Variants in ZNF208 observed in about 807,000 individuals in gnomAD.
ZNF208 encodes zinc finger protein 208, also known as zinc finger protein 95.
A neutral mutation model predicts 12.1 loss-of-function variants in ZNF208; 10 were observed. The ratio of observed to expected loss-of-function variants is 0.83; its 90% confidence interval spans 0.51 to 1.40. The LOEUF (loss-of-function observed/expected upper bound fraction) is 1.40, where lower values mean the gene tolerates loss of function less well. ZNF208 is among the 40% of genes most tolerant of loss of function. The pLI, the probability that ZNF208 is intolerant of heterozygous loss-of-function variation, is 0.00. For synonymous variants in ZNF208, 497 were observed against 488.4 expected, an observed-to-expected ratio of 1.02 and a Z score of -0.23; for missense variants, 1,652 against 1,485.0, an observed-to-expected ratio of 1.11 and a Z score of -1.85.
Position 21,970,727 on chromosome 19 carries a change from G to C in ZNF208, c.*464C>G. On this transcript the variant is annotated 3_prime_UTR_variant, in exon 4 of 4. Coordinates refer to ENST00000397126, the MANE Select transcript of ZNF208 (RefSeq NM_007153.3). ...CCAGCATGAATTTTCTTATGTGTAG[G>C]AGGGTTGGGAACTGTTTAAAAGCTT... The C allele has an allele frequency of 8.3e-7, 1 of 1,199,880 alleles. No individual in the cohort carries two copies. Among genetic ancestry groups the C allele is most frequent in the Middle Eastern group, 2.0e-4 (1 of 5,002 alleles). 74.3% of individuals were successfully genotyped at this position (1,199,880 alleles called of 1,614,324 possible). A position where few individuals can be genotyped will look rare whatever the true frequency, so the allele number is the denominator to read the frequency against.
chr19:21,961,598 A>C (rs1413467994), downstream of ZNF208, among the ~76,000 whole-genome samples: 1 of 152,078 alleles, frequency 6.6e-6, no homozygotes, highest in Admixed American at 6.6e-5. Context: ...GTACTGCAGG[A>C]GACCAGGGCA....
In ZNF208 at chr19:21,969,928, GTC is replaced by G. The variant is rs1005941116; in HGVS notation, c.*1261_*1262del. The stretch of plus-strand genomic sequence containing the variant: ...TAACAAAAATTTTTTTTTCCAGACA[GTC>G]TCTCTCTGTTGCCCAGGCTAGTGTA... On this transcript the variant is annotated 3_prime_UTR_variant, in exon 4 of 4. Coordinates refer to ENST00000397126, the MANE Select transcript of ZNF208 (RefSeq NM_007153.3). 2.0e-5 allele frequency among the ~76,000 whole-genome samples: 3 copies of G among 152,050 alleles called. No individual in the cohort carries two copies. The highest frequency in any genetic ancestry group is 4.4e-5 in the Non-Finnish European group (3 of 67,992).
At chr19:22,010,283 CT>C (rs1177955910) in intron 1 of ZNF208, among the ~76,000 whole-genome samples, 1 of 152,218 alleles carries the variant, frequency 6.6e-6, no homozygotes, top group African/African-American at 2.4e-5. Flanking sequence ...TTATAAAACT[CT>C]TTCCGTCAAA....
rs1043894823 is a variant in ZNF208 at position 21,967,694 on chromosome 19, T to A, written c.*3497A>T. 1 of 152,130 alleles carries A rather than the reference T, an allele frequency of 6.6e-6. No individual in the cohort carries two copies. The highest frequency in any genetic ancestry group is 1.5e-5 in the Non-Finnish European group (1 of 68,006). 9.4% of individuals were successfully genotyped at this position (152,130 alleles called of 1,614,324 possible). On this transcript the variant is annotated 3_prime_UTR_variant, in exon 4 of 4. Transcript: ENST00000397126. ...AGCCACCATGCTTGGCCCAGATTTA[T>A]TCTTTTAGTCTGAAGTTTTCTTGGC...
Position 21,970,018 on chromosome 19 carries a change from G to A in ZNF208, c.*1173C>T, listed in dbSNP as rs1970250250. Among the ~76,000 whole-genome samples, 1 of 152,136 alleles carries A rather than the reference G, an allele frequency of 6.6e-6. No individual in the cohort carries two copies. The highest frequency in any genetic ancestry group is 1.5e-5 in the Non-Finnish European group (1 of 68,028). ...AATGTTTGTCACATTGTTTATTACA[G>A]TAGTTTTCTCCAGTATGAGTTATCT... On this transcript the variant is annotated 3_prime_UTR_variant, in exon 4 of 4. Coordinates refer to ENST00000397126, the MANE Select transcript of ZNF208 (RefSeq NM_007153.3).
chr19:21,976,994 A>G (rs1454053360), intron 3 of ZNF208, among the ~76,000 whole-genome samples: 1 of 152,256 alleles, frequency 6.6e-6, no homozygotes, highest in Non-Finnish European at 1.5e-5. Flanking sequence ...TGAGAGCAGA[A>G]GAGGTCAAAA....
intron 1 of ZNF208, 98 bp from the exon 2 acceptor site, chr19:21,989,007 A>T (rs1970676819): frequency 6.8e-7 from 1 of 1,466,102 alleles, no homozygotes. Context: ...GCTGGTTCTG[A>T]CTTATAAGCA....
At chr19:21,985,437 T>A (rs933775297) in intron 3 of ZNF208, among the ~76,000 whole-genome samples, 16 of 152,290 alleles carry the variant, frequency 1.1e-4, no homozygotes, top group Admixed American at 8.5e-4. Flanking sequence ...AAGAGAGCTT[T>A]GAGATCCAGG....
In ZNF208 at chr19:22,001,892, C is replaced by CAAAAAAAAAAAAAAAAAAAAAAAAAAA. The variant is rs58939967; in HGVS notation, c.3+8873_3+8899dup. ...TGGATGACACAGTGAGACTCCATCC[C>CAAAAAAAAAAAAAAAAAAAAAAAAAAA]AAAAAAAAAAAAAAAAAAAAAAAAA... On this transcript the variant is annotated intron_variant, in intron 1 of 3. Transcript: ENST00000397126. Among the ~76,000 whole-genome samples the CAAAAAAAAAAAAAAAAAAAAAAAAAAA allele has an allele frequency of 6.5e-4, 48 of 74,098 alleles. 12 individuals carry two copies. Among genetic ancestry groups the CAAAAAAAAAAAAAAAAAAAAAAAAAAA allele is most frequent in the South Asian group, 9.3e-4 (2 of 2,162 alleles). The allele number at this position is 74,098 out of a possible 152,430, so 48.6% of individuals were successfully genotyped here.
At chr19:21,950,919 T>C (rs1461540028) in intron 4 of ZNF208, among the ~76,000 whole-genome samples, 1 of 152,192 alleles carries the variant, frequency 6.6e-6, no homozygotes, top group Non-Finnish European at 1.5e-5. Flanking sequence ...ACGTGTTTTG[T>C]GTGATGTCTA....
At chr19:21,989,039 A>G in intron 1 of ZNF208, 130 bp from the exon 2 acceptor site, 6 of 1,247,764 alleles carry the variant, frequency 4.8e-6, no homozygotes, top group Non-Finnish European at 5.5e-6. Flanking sequence ...ATTCAATAAA[A>G]TAATTTTTAA....
intron 4 of ZNF208, among the ~76,000 whole-genome samples, chr19:21,948,758 C>G (rs1969850200): frequency 6.6e-6 from 1 of 150,650 alleles, no homozygotes; most frequent in Admixed American, 6.7e-5. Flanking sequence ...CAAACCCTAA[C>G]TGTTAAGAAA....
In ZNF208 at chr19:21,973,546, G is replaced by T; in HGVS notation, c.1488C>A (p.Pro496=). ...CTTTGCCACATTCTTCACATTTGTA[G>T]GGTTTCTCTCCAGCATGAGTTGCCT... ...CDKATHAGEK[P]YKCEECGKAF... Residue 496 remains proline (P), a synonymous_variant, in exon 4 of 4, where the codon CCC becomes CCA. Coordinates refer to ENST00000397126, the MANE Select transcript of ZNF208 (RefSeq NM_007153.3). 6.2e-7 allele frequency: 1 copy of T among 1,612,696 alleles called. No individual in the cohort carries two copies. Among genetic ancestry groups the T allele is most frequent in the Non-Finnish European group, 8.5e-7 (1 of 1,179,734 alleles).
chr19:22,000,021 G>A (rs1006179315), intron 1 of ZNF208, among the ~76,000 whole-genome samples: 3 of 152,162 alleles, frequency 2.0e-5, no homozygotes, highest in African/African-American at 7.2e-5. Context: ...CAGAAGAGAG[G>A]AAGGTGTTAT....
chr19:21,982,501 G>GA (rs1281642499), intron 3 of ZNF208, among the ~76,000 whole-genome samples: 2 of 151,392 alleles, frequency 1.3e-5, no homozygotes, highest in East Asian at 1.9e-4. Flanking sequence ...CACAGAATTA[G>GA]AAAAAAAACC....
chr19:21,960,307 AAAG>A (rs1204730886), intron 4 of ZNF208, among the ~76,000 whole-genome samples: 2 of 152,172 alleles, frequency 1.3e-5, no homozygotes, highest in Admixed American at 6.6e-5. Context: ...ATATTAACCA[AAAG>A]AAGGCATAGA....
At position 21,975,851 on chromosome 19, in the gene ZNF208, A is replaced by AAAAAAAAG. The variant is rs377638519; in HGVS notation, c.227-1045_227-1044insCTTTTTTT. Among the ~76,000 whole-genome samples the AAAAAAAAG allele has an allele frequency of 2.3e-3, 208 of 91,870 alleles. 31 individuals carry two copies. The highest frequency in any genetic ancestry group is 6.1e-3 in the African/African-American group (133 of 21,962). 60.3% of individuals were successfully genotyped at this position (91,870 alleles called of 152,430 possible). On this transcript the variant is annotated intron_variant, in intron 3 of 3. Coordinates refer to ENST00000397126, the MANE Select transcript of ZNF208 (RefSeq NM_007153.3). ...AAAAAAAAAAAAAAAAAAAAAAAAAAGCTATCAAGTGAGAATAATACCATC... is the reference window on the plus strand; with the variant it reads ...AAAAAAAAAAAAAAAAAAAAAAAAAAAAAAAAAGGCTATCAAGTGAGAATAATACCATC...
intron 1 of ZNF208, chr19:22,009,393 G>T (rs1206872474): frequency 6.6e-6 from 1 of 152,166 alleles, no homozygotes; most frequent in Non-Finnish European, 1.5e-5. Flanking sequence ...TGTGGGGTGT[G>T]AAAATAATTA....
intron 4 of ZNF208, among the ~76,000 whole-genome samples, chr19:21,944,147 T>TG (rs1969783569): frequency 6.6e-6 from 1 of 152,194 alleles, no homozygotes; most frequent in Non-Finnish European, 1.5e-5. Context: ...TTTTCTGGGA[T>TG]TTTCTGCTCC....
Sources: allele counts gnomAD v4.1 joint callset (sites outside exome capture counted in the v4.1 genomes callset), GRCh38; gene constraint gnomAD v4.1.1; transcripts MANE v1.5; gene names NCBI Gene and HGNC (gene_info 2026-07-23, HGNC 2026-07-21).